ETV7: variants seen among roughly 807,000 people sequenced by gnomAD.
ETV7 encodes the protein ETS variant transcription factor 7.
Under a neutral mutation model 39.1 loss-of-function variants are expected in ETV7, and 43 were observed. That is an observed-to-expected ratio of 1.10 (90% CI 0.86 to 1.42). The LOEUF is 1.42. Ranked by LOEUF, ETV7 falls within the 40% of genes most tolerant of loss-of-function variation. The pLI, the probability that ETV7 is intolerant of heterozygous loss-of-function variation, is 0.00. For missense variants in ETV7, 432 were observed against 442.3 expected, an observed-to-expected ratio of 0.98 and a Z score of 0.21; for synonymous variants, 196 against 176.6, an observed-to-expected ratio of 1.11 and a Z score of -0.87.
intron 2 of ETV7, among the ~76,000 whole-genome samples, chr6:36,379,901 TACA>T (rs748494267): frequency 2.5e-4 from 37 of 147,832 alleles, no homozygotes; most frequent in East Asian, 1.6e-3. Flanking sequence ...AGTAAAAACA[TACA>T]ACAACAACAG....
intron 5 of ETV7, among the ~76,000 whole-genome samples, chr6:36,370,550 A>G (rs1408482512): frequency 6.6e-6 from 1 of 152,130 alleles, no homozygotes; most frequent in Non-Finnish European, 1.5e-5. Flanking sequence ...AAAGAAAAGA[A>G]AAGAAAAGAA....
chr6:36,381,593 G>GT (rs772194087), intron 2 of ETV7, among the ~76,000 whole-genome samples: 1 of 152,178 alleles, frequency 6.6e-6, no homozygotes, highest in Admixed American at 6.5e-5. Context: ...CAATTATCAT[G>GT]TCCTTAGTTT....
At chr6:36,381,842 C>G (rs1206354181) in intron 2 of ETV7, among the ~76,000 whole-genome samples, 1 of 152,176 alleles carries the variant, frequency 6.6e-6, no homozygotes, top group Non-Finnish European at 1.5e-5. Context: ...GGCTTCTCCC[C>G]AAAGGAGGAG....
chr6:36,359,197 T>G (rs1267956642), intron 7 of ETV7, among the ~76,000 whole-genome samples: 1 of 152,142 alleles, frequency 6.6e-6, no homozygotes, highest in African/African-American at 2.4e-5. Flanking sequence ...ACACCTATAA[T>G]CCCAGCACTT....
intron 2 of ETV7, 106 bp from the exon 3 acceptor site, chr6:36,376,141 C>T (rs889318965): frequency 3.8e-5 from 38 of 1,010,296 alleles, no homozygotes; most frequent in South Asian, 6.8e-5. Context: ...TGGCCCCCAA[C>T]CCCCATCATC....
chr6:36,376,185 G>A, intron 2 of ETV7, 150 bp from the exon 3 acceptor site: 1 of 656,344 alleles, frequency 1.5e-6, no homozygotes, highest in Non-Finnish European at 2.5e-6. Context: ...TTCCTTCCTA[G>A]CATGTTACGT....
At chr6:36,380,592 T>A (rs1415972269) in intron 2 of ETV7, among the ~76,000 whole-genome samples, 3 of 152,026 alleles carry the variant, frequency 2.0e-5, no homozygotes, top group Non-Finnish European at 4.4e-5. Flanking sequence ...CAGGGCTACA[T>A]GTGGGGGCTC....
rs1005219347 is a variant in ETV7 at position 36,354,786 on chromosome 6, T to C, written c.909-99A>G. 3.4e-5 allele frequency: 20 copies of C among 593,424 alleles called. No individual in the cohort carries two copies. The Admixed American group carries it at 4.6e-4, about 14-fold the overall frequency. The allele number at this position is 593,424 out of a possible 1,614,324, so 36.8% of individuals were successfully genotyped here. On this transcript the variant is annotated intron_variant, in intron 7 of 7. Transcript: ENST00000339796. Reference sequence around the variant, plus strand: ...TTGCCATCTTAACAATCCAGGAACATGTTATATCTGTCCATTTATTTAGAT... The same window carrying C: ...TTGCCATCTTAACAATCCAGGAACACGTTATATCTGTCCATTTATTTAGAT...
At position 36,376,248 on chromosome 6, in the gene ETV7, T is replaced by C. The variant is rs373766460; in HGVS notation, c.143-213A>G. Among the ~76,000 whole-genome samples, 10 of 129,748 alleles carry C rather than the reference T, an allele frequency of 7.7e-5. 1 individual carries two copies. Among genetic ancestry groups the C allele is most frequent in the Admixed American group, 7.1e-5 (1 of 14,124 alleles). 85.1% of individuals were successfully genotyped at this position (129,748 alleles called of 152,430 possible). A position where few individuals can be genotyped will look rare whatever the true frequency, so the allele number is the denominator to read the frequency against. On this transcript the variant is annotated intron_variant, in intron 2 of 7. Coordinates refer to ENST00000340181, the MANE Select transcript of ETV7 (RefSeq NM_016135.4). ...AGAATTATGTGTTCGTGTTTGTCAT[T>C]ATGTATGTAGCATGTATTTATTCAC...
chr6:36,373,726 C>G, intron 3 of ETV7, 148 bp from the exon 4 acceptor site: 1 of 879,422 alleles, frequency 1.1e-6, no homozygotes, highest in Non-Finnish European at 1.6e-6. Flanking sequence ...CCTGCTGCAG[C>G]TAACAGGAGG....
chr6:36,376,336 C>T (rs755905232), intron 2 of ETV7, among the ~76,000 whole-genome samples: 2 of 152,214 alleles, frequency 1.3e-5, no homozygotes, highest in African/African-American at 2.4e-5. Context: ...AAGTGTTTAA[C>T]GAGAACCTAC....
chr6:36,385,462 C>G (rs1299966914), intron 2 of ETV7, 72 bp downstream of exon 2: 2 of 1,592,196 alleles, frequency 1.3e-6, no homozygotes, highest in Admixed American at 3.3e-5. Flanking sequence ...AGCAACAGAG[C>G]AAGACCCTGG....
downstream of ETV7, among the ~76,000 whole-genome samples, chr6:36,365,059 T>C (rs1772667691): frequency 1.3e-5 from 2 of 152,166 alleles, no homozygotes; most frequent in Admixed American, 1.3e-4. Flanking sequence ...TCAAGGCCAG[T>C]GCAGGCGCCA....
downstream of ETV7, among the ~76,000 whole-genome samples, chr6:36,365,058 G>C (rs980432116): frequency 1.8e-4 from 28 of 152,330 alleles, no homozygotes; most frequent in African/African-American, 6.7e-4. Flanking sequence ...CTCAAGGCCA[G>C]TGCAGGCGCC....
chr6:36,369,957 A>G (rs1772929257), intron 5 of ETV7, among the ~76,000 whole-genome samples: 1 of 152,046 alleles, frequency 6.6e-6, no homozygotes, highest in Admixed American at 6.6e-5. Context: ...TTATTGATAC[A>G]TAATATTTAT....
At chr6:36,383,169 C>T (rs1226921115) in intron 2 of ETV7, among the ~76,000 whole-genome samples, 2 of 152,222 alleles carry the variant, frequency 1.3e-5, no homozygotes, top group African/African-American at 2.4e-5. Flanking sequence ...CCCCCCATAG[C>T]TCCTGACTCA....
intron 2 of ETV7, among the ~76,000 whole-genome samples, chr6:36,379,879 A>G (rs1381503844): frequency 6.6e-5 from 10 of 151,680 alleles, no homozygotes; most frequent in Admixed American, 2.0e-4. Flanking sequence ...CCATCTCAAA[A>G]AAAAAAAAAA....
In ETV7 at chr6:36,375,938, G is replaced by GA; in HGVS notation, c.239dup (p.Glu81ArgfsTer24). On this transcript the variant is annotated frameshift_variant, in exon 3 of 8. Transcript: ENST00000340181. LOFTEE classifies it high-confidence loss of function. Reference sequence around the variant, plus strand: ...TGCAGAGGGCGCGTCCGTTCATCTCGAACCCGTGCTCCGCGGTGCATGGCA... The same window carrying GA: ...TGCAGAGGGCGCGTCCGTTCATCTCGAAACCCGTGCTCCGCGGTGCATGGCA... The GA allele has an allele frequency of 6.2e-7, 1 of 1,613,876 alleles. No homozygotes were observed. Among genetic ancestry groups the GA allele is most frequent in the South Asian group, 1.1e-5 (1 of 91,084 alleles).
intron 7 of ETV7, among the ~76,000 whole-genome samples, chr6:36,357,674 C>T (rs941816296): frequency 2.0e-5 from 3 of 152,140 alleles, no homozygotes; most frequent in Non-Finnish European, 2.9e-5. Context: ...GTCAGAAGTT[C>T]GAGACCAGCC....
Sources: allele counts gnomAD v4.1 joint callset (sites outside exome capture counted in the v4.1 genomes callset), GRCh38; gene constraint gnomAD v4.1.1; transcripts MANE v1.5; gene names NCBI Gene and HGNC (gene_info 2026-07-23, HGNC 2026-07-21).